SREBF2: variants seen among roughly 807,000 people sequenced by gnomAD.
The protein encoded by SREBF2 is sterol regulatory element-binding protein 2.
A neutral mutation model predicts 113.1 loss-of-function variants in SREBF2; 55 were observed. The observed-to-expected ratio is 0.49, with a 90% CI of 0.39 to 0.61. The LOEUF is 0.61. SREBF2 is among the 20% of genes least tolerant of loss of function. SREBF2 has a pLI of 0.00. For missense variants in SREBF2, 1,349 were observed against 1,487.4 expected (o/e 0.91, Z 1.53); for synonymous variants, 593 against 605.7 (o/e 0.98, Z 0.31).
chr22:41,868,091 G>A (rs1429676793), intron 2 of SREBF2, among the ~76,000 whole-genome samples: 1 of 152,214 alleles, frequency 6.6e-6, no homozygotes, highest in South Asian at 2.1e-4. Context: ...GTGATGTGCT[G>A]CATCCCAGTG....
intron 7 of SREBF2, among the ~76,000 whole-genome samples, chr22:41,876,196 G>A (rs2077196553): frequency 1.3e-5 from 2 of 152,214 alleles, no homozygotes; most frequent in South Asian, 2.1e-4. Context: ...CAAAGCCCCT[G>A]GCAATGGTAG....
At chr22:41,853,393 C>G (rs1264681713) in intron 1 of SREBF2, among the ~76,000 whole-genome samples, 3 of 152,188 alleles carry the variant, frequency 2.0e-5, no homozygotes, top group Non-Finnish European at 4.4e-5. Context: ...AGCCTTCAAT[C>G]CAACTCCTTC....
chr22:41,896,131 A>G (rs1171444684), intron 13 of SREBF2, among the ~76,000 whole-genome samples: 1 of 147,590 alleles, frequency 6.8e-6, no homozygotes, highest in Non-Finnish European at 1.5e-5. Context: ...ACAGAGCTAG[A>G]CTCTGTCTCA....
chr22:41,860,280 G>A lies in SREBF2; in HGVS notation c.89-6551G>A, dbSNP rs566473258. 2.4e-3 allele frequency among the ~76,000 whole-genome samples: 361 copies of A among 150,884 alleles called. 3 individuals are homozygous for A. The highest frequency in any genetic ancestry group is 3.3e-3 in the Non-Finnish European group (221 of 67,806). ...GACAAAATAGCCTGATAGCAAAAATGGACGAAGGTCAAGAGCAGGCGGTTT... is the reference window on the plus strand; with the variant it reads ...GACAAAATAGCCTGATAGCAAAAATAGACGAAGGTCAAGAGCAGGCGGTTT... On this transcript the variant is annotated intron_variant, in intron 1 of 18. Transcript: ENST00000361204.
chr22:41,881,530 A>G (rs1468326804), intron 10 of SREBF2, among the ~76,000 whole-genome samples: 1 of 152,216 alleles, frequency 6.6e-6, no homozygotes, highest in Non-Finnish European at 1.5e-5. Flanking sequence ...GGAAGGATGC[A>G]TAGAGGTCAC....
chr22:41,889,728 C>T (rs886652019), intron 11 of SREBF2, among the ~76,000 whole-genome samples: 2 of 148,128 alleles, frequency 1.4e-5, no homozygotes, highest in African/African-American at 2.5e-5. Flanking sequence ...AGGTTGGGCA[C>T]GGTGGCTCAT....
At chr22:41,891,819 C>T (rs895364268) in intron 11 of SREBF2, among the ~76,000 whole-genome samples, 1 of 152,214 alleles carries the variant, frequency 6.6e-6, no homozygotes, top group African/African-American at 2.4e-5. Flanking sequence ...TCACCCTGGC[C>T]TGTTTCGGGG....
chr22:41,851,275 A>G (rs1245901308), intron 1 of SREBF2, among the ~76,000 whole-genome samples: 1 of 152,136 alleles, frequency 6.6e-6, no homozygotes, highest in Non-Finnish European at 1.5e-5. Context: ...TTGTTCTTAA[A>G]TATCAATAGT....
At chr22:41,866,518 C>G (rs948464449) in intron 1 of SREBF2, among the ~76,000 whole-genome samples, 2 of 152,184 alleles carry the variant, frequency 1.3e-5, no homozygotes, top group African/African-American at 2.4e-5. Context: ...CCACTGCACT[C>G]CATCCAGCGT....
intron 1 of SREBF2, among the ~76,000 whole-genome samples, chr22:41,842,755 C>T (rs759765272): frequency 1.3e-5 from 2 of 152,062 alleles, no homozygotes; most frequent in Non-Finnish European, 2.9e-5. Context: ...TTGGGGAGGC[C>T]GAGCCGGGTG....
intron 1 of SREBF2, among the ~76,000 whole-genome samples, chr22:41,835,231 A>AGAGATGAGGTCTCACTGTGTTGCCAG (rs1569365063): frequency 2.4e-5 from 2 of 84,738 alleles, no homozygotes; most frequent in African/African-American, 9.5e-5. Flanking sequence ...GCACAATCAT[A>AGAGATGAGGTCTCACTGTGTTGCCAG]GCACAAACTC....
intron 10 of SREBF2, among the ~76,000 whole-genome samples, chr22:41,884,083 T>C (rs779656401): frequency 6.6e-5 from 10 of 152,178 alleles, no homozygotes; most frequent in Non-Finnish European, 1.0e-4. Flanking sequence ...TTGCTCAGTT[T>C]ACGTCACTTC....
chr22:41,896,168 A>G (rs2077415051), intron 13 of SREBF2, among the ~76,000 whole-genome samples: 1 of 151,718 alleles, frequency 6.6e-6, no homozygotes, highest in South Asian at 2.1e-4. Flanking sequence ...GGGGATGGGA[A>G]TGAAATGTGA....
intron 18 of SREBF2, 76 bp downstream of exon 18, chr22:41,905,050 C>T: frequency 6.8e-6 from 9 of 1,315,104 alleles, no homozygotes; most frequent in Non-Finnish European, 8.4e-6. Flanking sequence ...AGGGGCCAGC[C>T]CAGCTCCCAC....
chr22:41,903,241 T>A (rs1457383099), intron 17 of SREBF2, 86 bp downstream of exon 17: 1 of 1,493,986 alleles, frequency 6.7e-7, no homozygotes, highest in Non-Finnish European at 9.0e-7. Flanking sequence ...CAGCATGTGG[T>A]TGTGGAGTTG....
chr22:41,904,981 C>T lies in SREBF2; in HGVS notation c.3205+7C>T, dbSNP rs781447255. 11 of 1,578,944 alleles carry T rather than the reference C, an allele frequency of 7.0e-6. No homozygotes were observed. In the South Asian group the frequency reaches 1.1e-4, roughly 16 times the overall value. ...ACGCAGAGCACCAAGCACGGTGAGT[C>T]CACCCCTCCCCAGCTCACAGGCTGG... On this transcript the variant is annotated splice_region_variant and intron_variant, in intron 18 of 18. Transcript: ENST00000361204.
chr22:41,893,953 C>T (rs1159678648), intron 12 of SREBF2, among the ~76,000 whole-genome samples: 2 of 152,164 alleles, frequency 1.3e-5, no homozygotes, highest in African/African-American at 2.4e-5. Context: ...TAAGGTTCTA[C>T]AGGTATAGGG....
intron 1 of SREBF2, among the ~76,000 whole-genome samples, chr22:41,848,540 G>A (rs1355391691): frequency 6.6e-6 from 1 of 152,212 alleles, no homozygotes; most frequent in Non-Finnish European, 1.5e-5. Flanking sequence ...TGGGGCTCTT[G>A]CATGGGTCGG....
At chr22:41,838,786 G>A (rs191856357) in intron 1 of SREBF2, among the ~76,000 whole-genome samples, 2 of 152,232 alleles carry the variant, frequency 1.3e-5, no homozygotes, top group Admixed American at 6.5e-5. Context: ...AGGCAAGGAA[G>A]ATTGGAGGCA....
Sources: gnomAD v4.1 joint callset for allele counts (sites outside exome capture counted in the v4.1 genomes callset) on GRCh38, gnomAD v4.1.1 for gene constraint, MANE v1.5 for transcripts, NCBI Gene and HGNC (gene_info 2026-07-23, HGNC 2026-07-21) for gene names.